The following HSP90AA1 variants were observed in gnomAD, a reference collection of about 807,000 sequenced individuals.
HSP90AA1 encodes heat shock protein 90 alpha family class A member 1.
HSP90AA1 carries 18 observed loss-of-function variants against 73.3 expected under a neutral mutation model. The ratio of observed to expected loss-of-function variants is 0.25; its 90% confidence interval spans 0.17 to 0.36. The LOEUF (loss-of-function observed/expected upper bound fraction) is 0.36, where lower values mean the gene tolerates loss of function less well. Ranked by LOEUF, HSP90AA1 falls within the 10% of genes least tolerant of loss-of-function variation. The pLI, the probability that HSP90AA1 is intolerant of heterozygous loss-of-function variation, is 1.00. For synonymous variants in HSP90AA1, 477 were observed against 296.9 expected, an observed-to-expected ratio of 1.61 and a Z score of -6.24; for missense variants, 704 against 874.2, an observed-to-expected ratio of 0.81 and a Z score of 2.45.
intron 1 of HSP90AA1, among the ~76,000 whole-genome samples, chr14:102,131,396 G>A (rs1466625108): frequency 6.6e-6 from 1 of 152,186 alleles, no homozygotes; most frequent in African/African-American, 2.4e-5. Flanking sequence ...TCTGGCACCT[G>A]TGGCCTGGAT....
Position 102,084,484 on chromosome 14 carries a change from G to C in HSP90AA1, c.1062C>G (p.Asn354Lys). ...PRRAPFDLFE[N>K]RKKKNNIKLY... ...ATTTGATGTTGTTCTTTTTCTTTCT[G>C]TTTTCAAACAGATCAAAAGGAGCAC... Residue 354 changes from asparagine (N) to lysine (K), a missense_variant, in exon 6 of 11, where the codon AAC becomes AAG. Transcript: ENST00000216281. The C allele has an allele frequency of 1.2e-6, 2 of 1,613,950 alleles. No homozygotes were observed. The highest frequency in any genetic ancestry group is 1.7e-6 in the Non-Finnish European group (2 of 1,179,816).
upstream of HSP90AA1, among the ~76,000 whole-genome samples, chr14:102,089,470 A>G (rs1486376129): frequency 2.0e-5 from 3 of 151,954 alleles, no homozygotes; most frequent in Admixed American, 1.3e-4. Flanking sequence ...CCAGGTGCGA[A>G]CTCTGTAATG....
At chr14:102,138,008 T>G (rs908401186) in intron 1 of HSP90AA1, among the ~76,000 whole-genome samples, 2 of 146,924 alleles carry the variant, frequency 1.4e-5, no homozygotes, top group African/African-American at 5.0e-5. Context: ...CGAGACTCCA[T>G]CTAAGAAAAA....
At chr14:102,135,013 C>G (rs1035320235) in intron 1 of HSP90AA1, among the ~76,000 whole-genome samples, 5 of 152,084 alleles carry the variant, frequency 3.3e-5, no homozygotes, top group African/African-American at 1.2e-4. Flanking sequence ...TACAGAGTTT[C>G]CACACAGGTT....
At chr14:102,104,935 A>C (rs1009880927) in intron 1 of HSP90AA1, among the ~76,000 whole-genome samples, 4 of 151,218 alleles carry the variant, frequency 2.6e-5, no homozygotes, top group African/African-American at 9.7e-5. Context: ...GCAGTGGCTC[A>C]CACCTGTAAT....
At chr14:102,137,020 C>A (rs1359069416) in intron 1 of HSP90AA1, among the ~76,000 whole-genome samples, 34 of 152,104 alleles carry the variant, frequency 2.2e-4, no homozygotes, top group Non-Finnish European at 2.9e-5. Flanking sequence ...TCGAGACCAG[C>A]CTGGCCAACG....
intron 1 of HSP90AA1, among the ~76,000 whole-genome samples, chr14:102,127,341 A>C (rs1276810664): frequency 3.3e-5 from 5 of 152,230 alleles, no homozygotes; most frequent in Non-Finnish European, 7.3e-5. Flanking sequence ...CAAAGCTAGC[A>C]TGAGTTCTAT....
chr14:102,091,396 A>G (rs1439903765), upstream of HSP90AA1, among the ~76,000 whole-genome samples: 1 of 151,868 alleles, frequency 6.6e-6, no homozygotes, highest in Non-Finnish European at 1.5e-5. Flanking sequence ...GCTGAGGCAG[A>G]CCAATCAATT....
chr14:102,081,959 G>A (rs930993415), intron 10 of HSP90AA1, 138 bp from the exon 11 acceptor site: 1 of 768,518 alleles, frequency 1.3e-6, no homozygotes, highest in Non-Finnish European at 2.3e-6. Flanking sequence ...GCTCTTGTAA[G>A]ACCTTACTTA....
Position 102,084,938 on chromosome 14 carries a change from C to T in HSP90AA1, c.724G>A (p.Glu242Lys), listed in dbSNP as rs1050207694. 18 of 1,596,886 alleles carry T rather than the reference C, an allele frequency of 1.1e-5. No individual in the cohort carries two copies. In the African/African-American group the frequency reaches 1.3e-4, roughly 12 times the overall value. The change falls in exon 5 of 11, where the codon GAA becomes AAA. Residue 242 changes from glutamate (E) to lysine (K), a missense_variant. By Grantham distance (56) the Glu-to-Lys change is moderately conservative (BLOSUM62 1). Transcript: ENST00000216281. ...DDEAEEKEDK[E>K]EEKEKEEKES... ...TTCTCTTCTTTTTCTTTTTCTTCTT[C>T]TTTGTCTTCCTTTTCTTCAGCCTCA...
rs1214329333 is a variant in HSP90AA1, at chr14:102,085,270, T to C, written c.663+28A>G. On this transcript the variant is annotated intron_variant, in intron 4 of 10. Coordinates refer to ENST00000216281, the MANE Select transcript of HSP90AA1 (RefSeq NM_005348.4). ...CACCCCAATCACCTACAGACAGAAA[T>C]TCACTCTGCAATTACATAAAAACTT... The C allele has an allele frequency of 1.9e-6, 3 of 1,604,574 alleles. No homozygotes were observed. The Admixed American group carries it at 5.0e-5, about 27-fold the overall frequency.
rs768330159 is a variant in HSP90AA1 at position 102,083,700 on chromosome 14, C to CA, written c.1339-8dup. ...AGTCTTCGTGTATTCCAAGCTGAAA[C>CA]AAAGTATGTTCTTTACAAAGACTTT... is the stretch of plus-strand genomic sequence containing the variant. On this transcript the variant is annotated splice_polypyrimidine_tract_variant and splice_region_variant and intron_variant, in intron 7 of 10. Transcript: ENST00000216281. 4.4e-6 allele frequency: 6 copies of CA among 1,359,444 alleles called. No individual in the cohort carries two copies. Among genetic ancestry groups the CA allele is most frequent in the Non-Finnish European group, 6.2e-6 (6 of 969,316 alleles). 84.2% of individuals were successfully genotyped at this position (1,359,444 alleles called of 1,614,324 possible). A position where few individuals can be genotyped will look rare whatever the true frequency, so the allele number is the denominator to read the frequency against.
chr14:102,129,052 TA>T (rs563529115), intron 1 of HSP90AA1, among the ~76,000 whole-genome samples: 59 of 152,012 alleles, frequency 3.9e-4, no homozygotes, highest in African/African-American at 1.4e-3. Flanking sequence ...TCAAACAACC[TA>T]ATAAGTAGTT....
chr14:102,086,729 C>G (rs576172572), intron 1 of HSP90AA1, among the ~76,000 whole-genome samples: 3 of 151,170 alleles, frequency 2.0e-5, no homozygotes, highest in African/African-American at 7.2e-5. Context: ...GGCGGGGCCG[C>G]TCTGTTCGCG....
At chr14:102,129,695 A>T (rs780512512) in intron 1 of HSP90AA1, among the ~76,000 whole-genome samples, 2 of 151,900 alleles carry the variant, frequency 1.3e-5, no homozygotes, top group African/African-American at 2.4e-5. Context: ...AGTAGAGACG[A>T]GGTTTCACCG....
At chr14:102,127,327 AAAAC>A in intron 1 of HSP90AA1, among the ~76,000 whole-genome samples, 1 of 152,368 alleles carries the variant, frequency 6.6e-6, no homozygotes, top group African/African-American at 2.4e-5. Context: ...TTAACAATGA[AAAAC>A]AAAGCTAGCA....
chr14:102,108,038 G>A (rs948072727), intron 1 of HSP90AA1, among the ~76,000 whole-genome samples: 6 of 150,830 alleles, frequency 4.0e-5, no homozygotes, highest in South Asian at 2.1e-4. Context: ...GCCAAAACAC[G>A]AGCATTGCTT....
chr14:102,107,359 T>C (rs1474314110), intron 1 of HSP90AA1, among the ~76,000 whole-genome samples: 2 of 151,924 alleles, frequency 1.3e-5, no homozygotes, highest in African/African-American at 2.4e-5. Context: ...GTAGTGTTGC[T>C]CTATTGCCAG....
upstream of HSP90AA1, chr14:102,087,287 C>T (rs2049269034): frequency 6.0e-6 from 3 of 495,974 alleles, no homozygotes; most frequent in South Asian, 1.7e-4. Flanking sequence ...CTCTCGCACG[C>T]CCCCGCGCCG....
Sources: allele counts gnomAD v4.1 joint callset (sites outside exome capture counted in the v4.1 genomes callset), GRCh38; gene constraint gnomAD v4.1.1; transcripts MANE v1.5; gene names NCBI Gene and HGNC (gene_info 2026-07-23, HGNC 2026-07-21).